Variants in LHFPL2 observed in about 807,000 individuals in gnomAD.
The protein encoded by LHFPL2 is LHFPL tetraspan subfamily member 2.
A neutral mutation model predicts 17.5 loss-of-function variants in LHFPL2; 7 were observed. The ratio of observed to expected loss-of-function variants is 0.40; its 90% CI spans 0.23 to 0.75. The LOEUF is 0.75. Ranked by LOEUF, LHFPL2 falls within the 30% of genes least tolerant of loss-of-function variation. LHFPL2 has a pLI of 0.37. For missense variants in LHFPL2, 241 were observed against 294.8 expected (o/e 0.82, Z 1.34); for synonymous variants, 134 against 116.2 (o/e 1.15, Z -0.99).
chr5:78,539,970 T>G (rs1320056079), intron 3 of LHFPL2, among the ~76,000 whole-genome samples: 3 of 152,182 alleles, frequency 2.0e-5, no homozygotes, highest in African/African-American at 7.2e-5. Flanking sequence ...CATTTAATGT[T>G]CTCTCAATAT....
chr5:78,584,990 G>A (rs1199660585), intron 2 of LHFPL2, among the ~76,000 whole-genome samples: 4 of 108,760 alleles, frequency 3.7e-5, no homozygotes, highest in South Asian at 5.5e-4. Context: ...CTCCTGGTGC[G>A]CTGTGTTTTT....
intron 2 of LHFPL2, among the ~76,000 whole-genome samples, chr5:78,576,393 G>C (rs1352316601): frequency 6.6e-6 from 1 of 152,116 alleles, no homozygotes; most frequent in Admixed American, 6.5e-5. Context: ...AATACGTAAA[G>C]GTAAGTCTCC....
In LHFPL2 at chr5:78,510,145, G is replaced by A. The variant is rs140766090; in HGVS notation, c.69C>T (p.Ala23=). 1.2e-4 allele frequency: 188 copies of A among 1,612,742 alleles called. No homozygotes were observed. Among genetic ancestry groups the A allele is most frequent in the Non-Finnish European group, 1.5e-4 (180 of 1,179,280 alleles). ...CTGCACTCATGAAGGCAATGAGCTC[G>A]GCAAAAGCCACCACAATACTCAGCA... ...WTLLSIVVAF[A]ELIAFMSADW... is the part of the protein sequence containing the mutation. The change falls in exon 4 of 5, where the codon GCC becomes GCT. Residue 23 remains alanine (A), a synonymous_variant. Coordinates refer to ENST00000380345, the MANE Select transcript of LHFPL2 (RefSeq NM_005779.3).
chr5:78,636,776 C>G (rs1745461882), intron 1 of LHFPL2, among the ~76,000 whole-genome samples: 1 of 152,132 alleles, frequency 6.6e-6, no homozygotes, highest in Non-Finnish European at 1.5e-5. Context: ...GTCTGTAAAA[C>G]CTTCCTAAAA....
At position 78,584,864 on chromosome 5, in the gene LHFPL2, C is replaced by T. The variant is rs190402919; in HGVS notation, c.-244-19993G>A. Among the ~76,000 whole-genome samples the T allele has an allele frequency of 4.6e-3, 694 of 152,244 alleles. 5 individuals are homozygous for T. Among genetic ancestry groups the T allele is most frequent in the African/African-American group, 0.015 (642 of 41,562 alleles). Reference sequence around the variant, plus strand: ...TTACCTAAGCAAGCCTGGGCAATGGCGGGCACCCCTCCCCCAGCCTCGCTG... The same window carrying T: ...TTACCTAAGCAAGCCTGGGCAATGGTGGGCACCCCTCCCCCAGCCTCGCTG... On this transcript the variant is annotated intron_variant, in intron 2 of 4. Transcript: ENST00000380345.
intron 2 of LHFPL2, among the ~76,000 whole-genome samples, chr5:78,619,954 C>T (rs10077647): frequency 0.24 from 16,069 of 67,816 alleles, 848 homozygotes; most frequent in Middle Eastern, 0.39. Flanking sequence ...TGAATAGTGC[C>T]GCAATAAACA....
intron 2 of LHFPL2, among the ~76,000 whole-genome samples, chr5:78,619,611 A>C (rs1744760596): frequency 7.3e-6 from 1 of 137,502 alleles, no homozygotes; most frequent in Non-Finnish European, 1.6e-5. Context: ...TTAACTCGTC[A>C]TTTAGCATTA....
intron 2 of LHFPL2, among the ~76,000 whole-genome samples, chr5:78,588,486 C>T (rs772156331): frequency 6.6e-6 from 1 of 152,204 alleles, no homozygotes; most frequent in Non-Finnish European, 1.5e-5. Flanking sequence ...GGGCAAATAA[C>T]ACCTCCATCT....
At chr5:78,620,371 A>C (rs1205640456) in intron 2 of LHFPL2, among the ~76,000 whole-genome samples, 2 of 152,004 alleles carry the variant, frequency 1.3e-5, no homozygotes, top group Non-Finnish European at 2.9e-5. Context: ...TTTTCTCGTA[A>C]ATTTGTTTGA....
intron 3 of LHFPL2, among the ~76,000 whole-genome samples, chr5:78,526,601 G>A (rs1047749470): frequency 2.6e-5 from 4 of 152,238 alleles, no homozygotes; most frequent in Admixed American, 6.5e-5. Context: ...CAGAATAGCA[G>A]TGGGCTTGTG....
chr5:78,604,520 T>C (rs2112477523), intron 2 of LHFPL2, among the ~76,000 whole-genome samples: 1 of 152,200 alleles, frequency 6.6e-6, no homozygotes, highest in African/African-American at 2.4e-5. Flanking sequence ...ATCAGAAATG[T>C]AAATGAGAAT....
At chr5:78,506,120 T>C (rs1248928828) in intron 4 of LHFPL2, among the ~76,000 whole-genome samples, 1 of 152,264 alleles carries the variant, frequency 6.6e-6, no homozygotes, top group African/African-American at 2.4e-5. Flanking sequence ...TCATTACTGC[T>C]TAAGTTAGCC....
chr5:78,573,231 C>T (rs76956659), intron 2 of LHFPL2, among the ~76,000 whole-genome samples: 2,462 of 152,240 alleles, frequency 0.016, 72 homozygotes, highest in African/African-American at 0.056. Context: ...CAAGCACTAT[C>T]GTGACAGCCT....
chr5:78,628,564 G>C (rs954089647), intron 2 of LHFPL2, among the ~76,000 whole-genome samples: 1 of 152,168 alleles, frequency 6.6e-6, no homozygotes, highest in African/African-American at 2.4e-5. Context: ...GAGTATTGGC[G>C]TCAACTCAGC....
intron 2 of LHFPL2, among the ~76,000 whole-genome samples, chr5:78,622,309 C>T (rs147253115): frequency 6.6e-6 from 1 of 152,336 alleles, no homozygotes; most frequent in East Asian, 1.9e-4. Flanking sequence ...CACTGGATTA[C>T]TCAAAGCAGA....
intron 3 of LHFPL2, among the ~76,000 whole-genome samples, chr5:78,523,154 A>G (rs1198568973): frequency 6.6e-6 from 1 of 151,878 alleles, no homozygotes; most frequent in Non-Finnish European, 1.5e-5. Context: ...GCAAGTAAAA[A>G]TGGAAAATGA....
At chr5:78,624,928 A>C (rs922308235) in intron 2 of LHFPL2, 2 of 151,608 alleles carry the variant, frequency 1.3e-5, no homozygotes, top group African/African-American at 4.9e-5. Flanking sequence ...TCAGCCTCCC[A>C]AGTAGCTGGG....
At chr5:78,594,962 C>CCTTGCT (rs1396640253) in intron 2 of LHFPL2, among the ~76,000 whole-genome samples, 2 of 152,188 alleles carry the variant, frequency 1.3e-5, no homozygotes, top group African/African-American at 4.8e-5. Context: ...TGTGTTCTTT[C>CCTTGCT]CTTGCTCTTA....
chr5:78,580,932 T>C (rs1370983553), intron 2 of LHFPL2, among the ~76,000 whole-genome samples: 1 of 152,240 alleles, frequency 6.6e-6, no homozygotes, highest in Non-Finnish European at 1.5e-5. Context: ...ACAAATTACC[T>C]TGGGCAGTAT....
Sources: allele counts gnomAD v4.1 joint callset (sites outside exome capture counted in the v4.1 genomes callset), GRCh38; gene constraint gnomAD v4.1.1; transcripts MANE v1.5; gene names NCBI Gene and HGNC (gene_info 2026-07-23, HGNC 2026-07-21).